The following RBFOX1 variants were observed in gnomAD, a reference collection of about 807,000 sequenced individuals.
The protein encoded by RBFOX1 is RNA binding protein fox-1 homolog 1.
A neutral mutation model predicts 57.7 loss-of-function variants in RBFOX1; 8 were observed. That is an observed-to-expected ratio of 0.14 (90% CI 0.08 to 0.25). The LOEUF (loss-of-function observed/expected upper bound fraction) is 0.25, where lower values mean the gene tolerates loss of function less well. RBFOX1 is among the 10% of genes least tolerant of loss of function. RBFOX1 has a pLI of 1.00. For synonymous variants in RBFOX1, 326 were observed against 222.4 expected (o/e 1.47, Z -4.15); for missense variants, 611 against 548.5 (o/e 1.11, Z -1.14).
At chr16:6,713,466 G>A (rs1453311228) in intron 3 of RBFOX1, among the ~76,000 whole-genome samples, 1 of 151,958 alleles carries the variant, frequency 6.6e-6, no homozygotes, top group East Asian at 1.9e-4. Context: ...CTGTGCTGTA[G>A]GGGTCTGTCC....
chr16:6,868,658 G>C (rs966558376), intron 3 of RBFOX1, among the ~76,000 whole-genome samples: 2 of 152,084 alleles, frequency 1.3e-5, no homozygotes, highest in African/African-American at 2.4e-5. Flanking sequence ...TTTTCCTAGA[G>C]ATAGGGTTTC....
intron 1 of RBFOX1, among the ~76,000 whole-genome samples, chr16:6,103,152 G>A (rs913450857): frequency 6.6e-6 from 1 of 152,196 alleles, no homozygotes; most frequent in African/African-American, 2.4e-5. Context: ...TGCTCAGTGG[G>A]TAGTGGGATA....
chr16:7,223,080 A>G (rs576832636), intron 4 of RBFOX1, among the ~76,000 whole-genome samples: 26 of 152,360 alleles, frequency 1.7e-4, no homozygotes, highest in African/African-American at 5.0e-4. Flanking sequence ...AGCTGTCAGC[A>G]GCAGCCTGGG....
chr16:7,054,953 C>A (rs142757754), intron 4 of RBFOX1, among the ~76,000 whole-genome samples: 6 of 152,270 alleles, frequency 3.9e-5, no homozygotes, highest in African/African-American at 1.4e-4. Flanking sequence ...TGTGCCCCAT[C>A]GAGGCTGTGT....
chr16:6,403,745 G>A (rs778646695), intron 2 of RBFOX1, among the ~76,000 whole-genome samples: 1 of 152,066 alleles, frequency 6.6e-6, no homozygotes, highest in African/African-American at 2.4e-5. Flanking sequence ...TGGAGGCATC[G>A]AGCCCTATGT....
At chr16:7,377,961 AGGGAGGTATG>A (rs71391627) in intron 4 of RBFOX1, among the ~76,000 whole-genome samples, 13,646 of 152,224 alleles carry the variant, frequency 0.09, 615 homozygotes, top group South Asian at 0.13. Flanking sequence ...GAAGACAGCC[AGGGAGGTATG>A]GAGAGGAAGA....
At chr16:6,806,224 C>G (rs539311748) in intron 3 of RBFOX1, among the ~76,000 whole-genome samples, 3 of 152,218 alleles carry the variant, frequency 2.0e-5, no homozygotes, top group East Asian at 3.9e-4. Context: ...GGATGTTGTT[C>G]TATAGCCAGT....
At chr16:5,603,357 C>G (rs886334072), downstream of RBFOX1, among the ~76,000 whole-genome samples, 1 of 151,980 alleles carries the variant, frequency 6.6e-6, no homozygotes, top group Non-Finnish European at 1.5e-5. Flanking sequence ...GAAACTGAGG[C>G]TCAGAAGGGC....
chr16:7,639,687 C>T (rs1013741361), intron 11 of RBFOX1, among the ~76,000 whole-genome samples: 1 of 152,162 alleles, frequency 6.6e-6, no homozygotes, highest in African/African-American at 2.4e-5. Context: ...GACTTATTCA[C>T]TGTTAGCACT....
intron 4 of RBFOX1, among the ~76,000 whole-genome samples, chr16:5,934,785 C>G (rs761576469): frequency 2.6e-5 from 4 of 152,106 alleles, no homozygotes; most frequent in African/African-American, 9.7e-5. Context: ...CAAGGCTGCA[C>G]GATGGATGAA....
At chr16:7,548,808 A>G (rs1408556698) in intron 5 of RBFOX1, among the ~76,000 whole-genome samples, 1 of 152,218 alleles carries the variant, frequency 6.6e-6, no homozygotes, top group African/African-American at 2.4e-5. Context: ...ACTGACTGGT[A>G]GAAATCAGAG....
At chr16:6,912,362 T>C (rs1567844650) in intron 3 of RBFOX1, among the ~76,000 whole-genome samples, 1 of 152,106 alleles carries the variant, frequency 6.6e-6, no homozygotes, top group Non-Finnish European at 1.5e-5. Flanking sequence ...TCCCAGGTGA[T>C]GTGGATCTCG....
chr16:7,229,061 G>C (rs1280722455), intron 4 of RBFOX1, among the ~76,000 whole-genome samples: 1 of 150,444 alleles, frequency 6.6e-6, no homozygotes, highest in African/African-American at 2.5e-5. Flanking sequence ...TTTAAAAATG[G>C]TTAATAGACT....
At chr16:7,587,114 A>T (rs2094170486) in intron 6 of RBFOX1, 133 bp from the exon 7 acceptor site, 2 of 1,137,814 alleles carry the variant, frequency 1.8e-6, no homozygotes, top group Non-Finnish European at 1.1e-6. Flanking sequence ...AAGCACATTA[A>T]CCATAAAACA....
At chr16:5,413,489 C>A (rs1306886412) in intron 1 of RBFOX1, among the ~76,000 whole-genome samples, 1 of 152,212 alleles carries the variant, frequency 6.6e-6, no homozygotes, top group Non-Finnish European at 1.5e-5. Flanking sequence ...ACAGTAGCCA[C>A]CACTCCCGTG....
intron 3 of RBFOX1, among the ~76,000 whole-genome samples, chr16:6,909,720 T>C (rs1328223158): frequency 6.6e-6 from 1 of 152,206 alleles, no homozygotes; most frequent in Admixed American, 6.5e-5. Context: ...GTCGTGGCAG[T>C]CACAATGACT....
intron 3 of RBFOX1, among the ~76,000 whole-genome samples, chr16:6,919,090 C>G (rs567122620): frequency 1.3e-5 from 2 of 152,176 alleles, no homozygotes; most frequent in African/African-American, 4.8e-5. Context: ...AGCCATTCTC[C>G]TGTCTCAGCC....
intron 1 of RBFOX1, among the ~76,000 whole-genome samples, chr16:6,023,802 C>G (rs1421566598): frequency 1.3e-5 from 2 of 152,156 alleles, no homozygotes; most frequent in African/African-American, 2.4e-5. Flanking sequence ...CCGGAGACCT[C>G]AAACACCGAG....
intron 2 of RBFOX1, among the ~76,000 whole-genome samples, chr16:5,488,451 T>C (rs907961524): frequency 1.4e-5 from 2 of 147,558 alleles, no homozygotes; most frequent in African/African-American, 5.1e-5. Context: ...ATGGTGATGA[T>C]TGAAGATGAT....
Sources: allele counts gnomAD v4.1 joint callset (sites outside exome capture counted in the v4.1 genomes callset), GRCh38; gene constraint gnomAD v4.1.1; transcripts MANE v1.5; gene names NCBI Gene and HGNC (gene_info 2026-07-23, HGNC 2026-07-21).